Variants in ENOX1 observed in about 807,000 individuals in gnomAD.
The protein encoded by ENOX1 is ecto-NOX disulfide-thiol exchanger 1, also known as candidate growth-related and time keeping constitutive hydroquinone (NADH) oxidase.
A neutral mutation model predicts 82.5 loss-of-function variants in ENOX1; 42 were observed. That is an observed-to-expected ratio of 0.51 (90% CI 0.40 to 0.66). The LOEUF (loss-of-function observed/expected upper bound fraction) is 0.66. Ranked by LOEUF, ENOX1 falls within the 30% of genes least tolerant of loss-of-function variation. ENOX1 has a pLI of 0.00. For missense variants in ENOX1, 608 were observed against 811.6 expected, an observed-to-expected ratio of 0.75 and a Z score of 3.05; for synonymous variants, 271 against 282.2, an observed-to-expected ratio of 0.96 and a Z score of 0.40.
At chr13:43,644,337 T>C (rs2083798240) in intron 2 of ENOX1, among the ~76,000 whole-genome samples, 1 of 152,202 alleles carries the variant, frequency 6.6e-6, no homozygotes, top group African/African-American at 2.4e-5. Flanking sequence ...ACCCTTGCAT[T>C]TCCCTAGATA....
At chr13:43,413,305 T>C (rs1434270221) in intron 3 of ENOX1, among the ~76,000 whole-genome samples, 2 of 152,202 alleles carry the variant, frequency 1.3e-5, no homozygotes, top group African/African-American at 4.8e-5. Context: ...TATCAGTCCC[T>C]GCACAGCCTT....
intron 5 of ENOX1, among the ~76,000 whole-genome samples, chr13:43,397,949 C>A (rs1313125895): frequency 6.6e-6 from 1 of 152,078 alleles, no homozygotes; most frequent in Admixed American, 6.5e-5. Context: ...TGGTGAGGAC[C>A]CACTTTCTGG....
At chr13:43,614,490 A>T (rs1176917207) in intron 2 of ENOX1, among the ~76,000 whole-genome samples, 1 of 151,180 alleles carries the variant, frequency 6.6e-6, no homozygotes, top group Non-Finnish European at 1.5e-5. Flanking sequence ...TCAAGCTAAA[A>T]GTGCAAACAG....
chr13:43,522,029 A>G (rs1363676629), intron 2 of ENOX1, among the ~76,000 whole-genome samples: 1 of 152,170 alleles, frequency 6.6e-6, no homozygotes, highest in Non-Finnish European at 1.5e-5. Flanking sequence ...ACAAGATCAT[A>G]GGAGCAGCAT....
intron 2 of ENOX1, among the ~76,000 whole-genome samples, chr13:43,553,544 T>C (rs1361786462): frequency 1.3e-5 from 2 of 152,192 alleles, no homozygotes; most frequent in Non-Finnish European, 2.9e-5. Flanking sequence ...CACTTTTGCT[T>C]TGGTTTCTGG....
At chr13:43,587,849 T>C (rs537655491) in intron 2 of ENOX1, among the ~76,000 whole-genome samples, 1 of 152,130 alleles carries the variant, frequency 6.6e-6, no homozygotes, top group Non-Finnish European at 1.5e-5. Context: ...AACTTCACTT[T>C]AGAAGCCATA....
chr13:43,738,364 A>G (rs2089732094), intron 1 of ENOX1, among the ~76,000 whole-genome samples: 1 of 152,222 alleles, frequency 6.6e-6, no homozygotes, highest in Admixed American at 6.5e-5. Flanking sequence ...AGAAAATAAC[A>G]TATTATATTG....
At chr13:43,688,704 T>C (rs9567246) in intron 1 of ENOX1, among the ~76,000 whole-genome samples, 1 of 152,298 alleles carries the variant, frequency 6.6e-6, no homozygotes, top group East Asian at 1.9e-4. Flanking sequence ...CCCAAGTATG[T>C]GAACTCAGCG....
intron 15 of ENOX1, among the ~76,000 whole-genome samples, chr13:43,234,197 G>A (rs1405776262): frequency 1.3e-5 from 2 of 152,108 alleles, no homozygotes; most frequent in Non-Finnish European, 2.9e-5. Context: ...GCAGCTTTTG[G>A]CAGGATCCAT....
At chr13:43,633,720 G>A (rs1175151295) in intron 2 of ENOX1, among the ~76,000 whole-genome samples, 1 of 151,354 alleles carries the variant, frequency 6.6e-6, no homozygotes, top group Non-Finnish European at 1.5e-5. Context: ...GTGTGGATAG[G>A]TGGGTTGATA....
intron 2 of ENOX1, among the ~76,000 whole-genome samples, chr13:43,531,620 C>A (rs1439696293): frequency 6.9e-6 from 1 of 145,580 alleles, no homozygotes; most frequent in East Asian, 2.0e-4. Flanking sequence ...AAGACACATG[C>A]ACACATATGT....
In ENOX1 at chr13:43,774,831, C is replaced by T. The variant is rs563205375; in HGVS notation, c.-285+11821G>A. On this transcript the variant is annotated intron_variant, in intron 1 of 16. Coordinates refer to ENST00000690772, the MANE Select transcript of ENOX1 (RefSeq NM_001347969.2). ...CACATTTACCATCCATGCCACAAGC[C>T]ACAAGCAATCTTTCTTTTCTTTTTT... 6.6e-5 allele frequency among the ~76,000 whole-genome samples: 10 copies of T among 152,280 alleles called. No individual in the cohort carries two copies. In the South Asian group the frequency reaches 1.9e-3, roughly 28 times the overall value.
intron 2 of ENOX1, among the ~76,000 whole-genome samples, chr13:43,641,493 A>G (rs1289304127): frequency 6.6e-6 from 1 of 151,642 alleles, no homozygotes; most frequent in Non-Finnish European, 1.5e-5. Flanking sequence ...AACTGAAATC[A>G]GAGACACAAA....
intron 2 of ENOX1, among the ~76,000 whole-genome samples, chr13:43,496,279 C>A (rs1028622583): frequency 2.0e-5 from 3 of 151,948 alleles, no homozygotes; most frequent in Admixed American, 6.6e-5. Flanking sequence ...ATGTAAAGAT[C>A]TAATTCAAAG....
intron 5 of ENOX1, among the ~76,000 whole-genome samples, chr13:43,379,379 A>G (rs1434806757): frequency 6.6e-6 from 1 of 152,102 alleles, no homozygotes; most frequent in Non-Finnish European, 1.5e-5. Context: ...TAGATGACAG[A>G]ATTCGTAGAC....
intron 3 of ENOX1, among the ~76,000 whole-genome samples, chr13:43,451,410 G>A (rs1815721491): frequency 6.6e-6 from 1 of 152,126 alleles, no homozygotes; most frequent in East Asian, 1.9e-4. Flanking sequence ...GCACTCCTCT[G>A]ATGGAAAATG....
intron 13 of ENOX1, among the ~76,000 whole-genome samples, chr13:43,268,436 G>A (rs2044503674): frequency 6.6e-6 from 1 of 152,154 alleles, no homozygotes; most frequent in Admixed American, 6.5e-5. Context: ...ATCATATAAA[G>A]ATAATTATTA....
chr13:43,740,516 G>A (rs759392529), intron 1 of ENOX1, among the ~76,000 whole-genome samples: 2 of 151,972 alleles, frequency 1.3e-5, no homozygotes, highest in African/African-American at 2.4e-5. Context: ...GGGTACAAGT[G>A]CAGGTTTGTC....
intron 1 of ENOX1, among the ~76,000 whole-genome samples, chr13:43,754,731 C>A (rs750952995): frequency 1.3e-5 from 2 of 151,972 alleles, no homozygotes; most frequent in African/African-American, 2.4e-5. Context: ...GTGACAGGTG[C>A]ATGCCACCAC....
Sources: gnomAD v4.1 joint callset for allele counts (sites outside exome capture counted in the v4.1 genomes callset) on GRCh38, gnomAD v4.1.1 for gene constraint, MANE v1.5 for transcripts, NCBI Gene and HGNC (gene_info 2026-07-23, HGNC 2026-07-21) for gene names.